ZDHHC24: variants seen among roughly 807,000 people sequenced by gnomAD.
ZDHHC24 encodes probable palmitoyltransferase ZDHHC24.
A neutral mutation model predicts 23.2 loss-of-function variants in ZDHHC24; 17 were observed. That is an observed-to-expected ratio of 0.73 (90% CI 0.50 to 1.10). The LOEUF (loss-of-function observed/expected upper bound fraction) is 1.10. ZDHHC24 is among the 50% of genes least tolerant of loss of function. The pLI, the probability that ZDHHC24 is intolerant of heterozygous loss-of-function variation, is 0.00. For synonymous variants in ZDHHC24, 186 were observed against 194.5 expected (o/e 0.96, Z 0.36); for missense variants, 366 against 393.0 (o/e 0.93, Z 0.58).
intron 4 of ZDHHC24, chr11:66,526,609 C>G (rs527954704): frequency 1.2e-6 from 2 of 1,613,660 alleles, no homozygotes; most frequent in African/African-American, 2.7e-5. Flanking sequence ...GTGGGTAGAA[C>G]TGGGGAGGAC....
chr11:66,534,650 C>CT (rs1856904714), downstream of ZDHHC24, among the ~76,000 whole-genome samples: 1 of 151,748 alleles, frequency 6.6e-6, no homozygotes, highest in African/African-American at 2.4e-5. Context: ...AAAATAAAGT[C>CT]ATTAGAGTTT....
intron 2 of ZDHHC24, among the ~76,000 whole-genome samples, chr11:66,530,546 A>G (rs771903029): frequency 5.8e-4 from 88 of 152,322 alleles, no homozygotes; most frequent in Non-Finnish European, 1.1e-3. Flanking sequence ...AAGAGGCTAC[A>G]AGGCAACTCT....
rs1177403045 is a variant in ZDHHC24, at chr11:66,539,779, G to A, written c.605C>T (p.Thr202Met). 3 of 1,611,998 alleles carry A rather than the reference G, an allele frequency of 1.9e-6. No individual in the cohort carries two copies. Among genetic ancestry groups the A allele is most frequent in the Non-Finnish European group, 2.5e-6 (3 of 1,179,132 alleles). The part of the protein sequence containing the change: ...AQFALAFVTD[T>M]CVAGALLCGA... ...GCACAGCAGCGCACCCGCCACGCAC[G>A]TGTCCGTCACGAAGGCCAAGGCAAA... is the stretch of plus-strand genomic sequence containing the variant. Residue 202 changes from threonine (T) to methionine (M), a missense_variant, in exon 3 of 3, where the codon ACG becomes ATG. Transcript: ENST00000310442.
chr11:66,534,035 G>A (rs960029019), downstream of ZDHHC24, among the ~76,000 whole-genome samples: 13 of 152,030 alleles, frequency 8.6e-5, no homozygotes, highest in African/African-American at 3.1e-4. Flanking sequence ...CAGGCGTGGT[G>A]GCAGACACCT....
chr11:66,531,147 A>G, downstream of ZDHHC24: 5 of 1,401,700 alleles, frequency 3.6e-6, no homozygotes, highest in Non-Finnish European at 4.9e-6. Context: ...CCAGGTGGCC[A>G]GCAGACCTAC....
rs1029655411 is a variant in ZDHHC24 at position 66,527,137 on chromosome 11, C to CAG, written c.737-133_737-132dup. 3.2e-5 allele frequency: 29 copies of CAG among 906,732 alleles called. No homozygotes were observed. In the African/African-American group the frequency reaches 4.1e-4, roughly 13 times the overall value. The allele number at this position is 906,732 out of a possible 1,614,324, so 56.2% of individuals were successfully genotyped here. Reference sequence around the variant, plus strand: ...CACGCCTGTAATCCCAACACTTTGGCAGAGGTGGGAGGACAGCATGAGCCC... The same window carrying CAG: ...CACGCCTGTAATCCCAACACTTTGGCAGAGAGGTGGGAGGACAGCATGAGCCC... On this transcript the variant is annotated intron_variant, in intron 3 of 4. Coordinates refer to the ZDHHC24 transcript ENST00000526986.
At chr11:66,523,286 C>T in intron 4 of ZDHHC24, 1 of 911,272 alleles carries the variant, frequency 1.1e-6, no homozygotes, top group Middle Eastern at 2.1e-4. Flanking sequence ...TTGATGTTTT[C>T]CAAGGCCACA....
chr11:66,522,659 T>A (rs1355216380), intron 4 of ZDHHC24, among the ~76,000 whole-genome samples: 1 of 152,190 alleles, frequency 6.6e-6, no homozygotes, highest in Non-Finnish European at 1.5e-5. Context: ...CATGCATTTT[T>A]TTAATTCAAT....
Position 66,526,978 on chromosome 11 carries a change from CA to C in ZDHHC24, c.764del (p.Leu255CysfsTer26), listed in dbSNP as rs1856542053. The C allele has an allele frequency of 6.5e-7, 1 of 1,546,066 alleles. No individual in the cohort carries two copies. The highest frequency in any genetic ancestry group is 8.7e-7 in the Non-Finnish European group (1 of 1,151,762). ...CAGCCTAGGAGGTACACGTTGCCTG[CA>C]AATCACTGTTCCTCAGGCTGGAAGG... On this transcript the variant is annotated frameshift_variant, in exon 4 of 5. Coordinates refer to the ZDHHC24 transcript ENST00000526986. LOFTEE classifies it high-confidence loss of function.
At chr11:66,544,560 C>G (rs1857254394) in intron 1 of ZDHHC24, among the ~76,000 whole-genome samples, 1 of 152,174 alleles carries the variant, frequency 6.6e-6, no homozygotes, top group Non-Finnish European at 1.5e-5. Context: ...TGCCTCAGAG[C>G]CTTTGCACCA....
At chr11:66,522,593 T>G (rs12223478) in intron 4 of ZDHHC24, among the ~76,000 whole-genome samples, 35,054 of 151,800 alleles carry the variant, frequency 0.23, 4,262 homozygotes, top group East Asian at 0.27. Flanking sequence ...TGATCCACCC[T>G]TCTCGGCCTC....
chr11:66,533,535 A>G (rs758444687), downstream of ZDHHC24: 4 of 152,216 alleles, frequency 2.6e-5, no homozygotes, highest in African/African-American at 9.6e-5. Context: ...TACTATTTCT[A>G]TTACTATGTG....
Position 66,537,506 on chromosome 11 carries a change from G to C in ZDHHC24, c.*2023C>G, listed in dbSNP as rs1857004385. 1 of 152,076 alleles carries C rather than the reference G, an allele frequency of 6.6e-6. No homozygotes were observed. The highest frequency in any genetic ancestry group is 2.1e-4 in the South Asian group (1 of 4,826). The allele number at this position is 152,076 out of a possible 1,614,324, so 9.4% of individuals were successfully genotyped here. On this transcript the variant is annotated 3_prime_UTR_variant, in exon 3 of 3. Transcript: ENST00000310442. ...CACCTTTTGGGAACACATAATTTCA[G>C]CTCTTAATTCTCCATCCACTTTCCA... is the stretch of plus-strand genomic sequence containing the variant.
At chr11:66,524,272 T>C in intron 4 of ZDHHC24, 1 of 310,204 alleles carries the variant, frequency 3.2e-6, no homozygotes. Flanking sequence ...AGAGCGAGAC[T>C]CCATCTTAAA....
At chr11:66,532,288 C>A, downstream of ZDHHC24, 1 of 553,634 alleles carries the variant, frequency 1.8e-6, no homozygotes, top group Non-Finnish European at 3.3e-6. Context: ...ACGCCCTCCC[C>A]TCCCCAGCCT....
Position 66,545,757 on chromosome 11 carries a change from T to G in ZDHHC24, c.247A>C (p.Met83Leu), listed in dbSNP as rs1177471329. 1 of 1,588,726 alleles carries G rather than the reference T, an allele frequency of 6.3e-7. No homozygotes were observed. Among genetic ancestry groups the G allele is most frequent in the Middle Eastern group, 1.7e-4 (1 of 6,012 alleles). ...LRSDPSIRGV[M>L]LAGRGLGQGW... ...TGGCCCAGACCGCGGCCGGCCAGCA[T>G]CACGCCACGGATGCTGGGATCCGAG... The change falls in exon 1 of 3, where the codon ATG (methionine) becomes CTG (leucine). Residue 83 changes from methionine to leucine, a missense_variant. Transcript: ENST00000310442. The surrounding 1 kb of genome is among the most constrained non-coding windows in gnomAD (Gnocchi z 4.5).
At chr11:66,540,449 G>T (rs76775106) in intron 2 of ZDHHC24, among the ~76,000 whole-genome samples, 1 of 146,754 alleles carries the variant, frequency 6.8e-6, no homozygotes, top group East Asian at 2.0e-4. Flanking sequence ...AAAAAAAAAG[G>T]CCGGACGCGA....
At chr11:66,531,976 G>C, downstream of ZDHHC24, 1 of 1,604,230 alleles carries the variant, frequency 6.2e-7, no homozygotes, top group Non-Finnish European at 8.5e-7. Context: ...GAAGGCCAAA[G>C]TGCACCCCTG....
At chr11:66,527,710 A>C (rs1590775101) in intron 3 of ZDHHC24, 1 of 150,722 alleles carries the variant, frequency 6.6e-6, no homozygotes. Context: ...AATAGTCCCT[A>C]CCTTAGGAAC....
Sources: allele counts gnomAD v4.1 joint callset (sites outside exome capture counted in the v4.1 genomes callset), GRCh38; gene constraint gnomAD v4.1.1; non-coding constraint Gnocchi (gnomAD v3.1); transcripts MANE v1.5; gene names NCBI Gene and HGNC (gene_info 2026-07-23, HGNC 2026-07-21).